MEGF6: variants seen among roughly 807,000 people sequenced by gnomAD.
MEGF6 encodes multiple epidermal growth factor-like domains protein 6.
MEGF6 carries 184 observed loss-of-function variants against 207.1 expected under a neutral mutation model. The observed-to-expected ratio is 0.89, with a 90% CI of 0.79 to 1.00. MEGF6 has a LOEUF of 1.00. Ranked by LOEUF, MEGF6 falls within the 50% of genes least tolerant of loss-of-function variation. The pLI is 0.00. For missense variants in MEGF6, 2,282 were observed against 2,202.9 expected (o/e 1.04, Z -0.72); for synonymous variants, 1,038 against 910.0 (o/e 1.14, Z -2.53).
intron 13 of MEGF6, among the ~76,000 whole-genome samples, chr1:3,508,220 C>T (rs1205160148): frequency 6.6e-6 from 1 of 152,198 alleles, no homozygotes; most frequent in Non-Finnish European, 1.5e-5. Flanking sequence ...GGAACCCCAC[C>T]TGCCGGCTGC....
rs1643314056 is a variant in MEGF6 at position 3,565,354 on chromosome 1, A to G, written c.481+14471T>C. ...CCAGAGTTCACCAAGTTCCCTTCCT[A>G]GCTGGACCTTAAAACCCCCCGGGTC... On this transcript the variant is annotated intron_variant, in intron 4 of 36. Transcript: ENST00000356575. This position sits in a 1 kb window ranked among gnomAD's most constrained non-coding sequence, Gnocchi z 4.8. Among the ~76,000 whole-genome samples, 1 of 150,892 alleles carries G rather than the reference A, an allele frequency of 6.6e-6. No homozygotes were observed. Among genetic ancestry groups the G allele is most frequent in the Non-Finnish European group, 1.5e-5 (1 of 67,946 alleles).
At chr1:3,542,710 C>G (rs529332108) in intron 4 of MEGF6, among the ~76,000 whole-genome samples, 3 of 152,240 alleles carry the variant, frequency 2.0e-5, no homozygotes, top group South Asian at 4.1e-4. Flanking sequence ...CCGCATCTTA[C>G]AGAGAGAGAC....
At chr1:3,554,387 G>C (rs1004502611) in intron 4 of MEGF6, among the ~76,000 whole-genome samples, 1 of 152,126 alleles carries the variant, frequency 6.6e-6, no homozygotes, top group African/African-American at 2.4e-5. Flanking sequence ...AGGCGGGAGG[G>C]GGACGGCACT....
chr1:3,605,497 C>A (rs1438780194), intron 1 of MEGF6, among the ~76,000 whole-genome samples: 1 of 131,286 alleles, frequency 7.6e-6, no homozygotes, highest in Non-Finnish European at 1.7e-5. Context: ...TACACACATA[C>A]ACACACAATC....
At chr1:3,566,343 A>G (rs182310203) in intron 4 of MEGF6, among the ~76,000 whole-genome samples, 4 of 152,318 alleles carry the variant, frequency 2.6e-5, no homozygotes, top group African/African-American at 9.6e-5. Context: ...CGCCCCAGGA[A>G]TCTTAAAAAT....
At chr1:3,557,500 C>T (rs530971250) in intron 4 of MEGF6, among the ~76,000 whole-genome samples, 88 of 152,322 alleles carry the variant, frequency 5.8e-4, no homozygotes, top group African/African-American at 2.1e-3. Flanking sequence ...GGCTACGTGC[C>T]CACCTCGCTG....
intron 4 of MEGF6, among the ~76,000 whole-genome samples, chr1:3,552,810 C>CA (rs1642927030): frequency 6.6e-6 from 1 of 152,180 alleles, no homozygotes; most frequent in Admixed American, 6.5e-5. Context: ...CCAGACCCCC[C>CA]ACTTTTCTCT....
chr1:3,511,524 G>T, intron 9 of MEGF6, 26 bp downstream of exon 9: 1 of 1,587,188 alleles, frequency 6.3e-7, no homozygotes. Context: ...GTGGGGTGCA[G>T]GCATCTGGGA....
chr1:3,558,554 T>C (rs927034319), intron 4 of MEGF6, among the ~76,000 whole-genome samples: 2 of 152,192 alleles, frequency 1.3e-5, no homozygotes, highest in African/African-American at 4.8e-5. Flanking sequence ...TCGCAAGACG[T>C]GCGTTTTCCC....
chr1:3,568,218 T>C (rs1008046110), intron 4 of MEGF6, among the ~76,000 whole-genome samples: 4 of 151,552 alleles, frequency 2.6e-5, no homozygotes, highest in Non-Finnish European at 5.9e-5. Flanking sequence ...GATGAGGGGG[T>C]GAAGTGTGCA....
rs1477769361 is a variant in MEGF6, at chr1:3,492,841, AGGGGC to A, written c.4388-79_4388-75del. ...TCCCCGCGCCAAGGAGCCTGGGCCTAGGGGCCCGCGGCAGAGCCCAGGTGGAGTGA... is the reference window on the plus strand; with the variant it reads ...TCCCCGCGCCAAGGAGCCTGGGCCTACCGCGGCAGAGCCCAGGTGGAGTGA... On this transcript the variant is annotated intron_variant, in intron 34 of 36. Transcript: ENST00000356575. The A allele has an allele frequency of 9.1e-5, 142 of 1,554,616 alleles. 1 individual carries two copies. The African/African-American group carries it at 1.6e-3, about 18-fold the overall frequency.
chr1:3,594,475 G>A lies in MEGF6; in HGVS notation c.376+863C>T, dbSNP rs111926429. Reference sequence around the variant, plus strand: ...AACAAAATAAAAATGTGGGGAGTGCGTGACTCCCGGCCACACTCCACGGCG... The same window carrying A: ...AACAAAATAAAAATGTGGGGAGTGCATGACTCCCGGCCACACTCCACGGCG... On this transcript the variant is annotated intron_variant, in intron 3 of 36. Transcript: ENST00000356575. This position sits in a 1 kb window ranked among gnomAD's most constrained non-coding sequence, Gnocchi z 4.2. 7.0e-3 allele frequency among the ~76,000 whole-genome samples: 1,064 copies of A among 152,278 alleles called. 5 individuals are homozygous for A. Among genetic ancestry groups the A allele is most frequent in the Non-Finnish European group, 0.012 (813 of 68,004 alleles).
intron 4 of MEGF6, among the ~76,000 whole-genome samples, chr1:3,569,285 C>G (rs1393455837): frequency 6.6e-6 from 1 of 152,274 alleles, no homozygotes; most frequent in Non-Finnish European, 1.5e-5. Context: ...ACCCCGCCGC[C>G]CCTCAGCCGG....
intron 33 of MEGF6, 24 bp from the exon 34 acceptor site, chr1:3,493,923 GT>G: frequency 1.3e-6 from 2 of 1,583,784 alleles, no homozygotes; most frequent in East Asian, 4.6e-5. Context: ...TGGGCTCAGT[GT>G]CCCCCTCCTG....
Position 3,500,090 on chromosome 1 carries a change from C to T in MEGF6, c.2708-166G>A, listed in dbSNP as rs145450724. On this transcript the variant is annotated intron_variant, in intron 21 of 36. Transcript: ENST00000356575. ...CTCACTCACATGCTTCATCCCCCAC[C>T]CAGGTGGGGCCATGGGAGGCTTGAG... 8.3e-3 allele frequency among the ~76,000 whole-genome samples: 1,261 copies of T among 152,346 alleles called. 22 individuals carry two copies. Among genetic ancestry groups the T allele is most frequent in the African/African-American group, 0.029 (1,186 of 41,580 alleles).
intron 3 of MEGF6, among the ~76,000 whole-genome samples, chr1:3,583,412 C>CCACAGCCACCAGACAACG (rs1643850485): frequency 2.4e-5 from 1 of 42,162 alleles, no homozygotes; most frequent in Non-Finnish European, 4.5e-5. Context: ...ACCAGACAAC[C>CCACAGCCACCAGACAACG]CGCAGCCACC....
At chr1:3,610,477 CCT>C (rs1279700224) in intron 1 of MEGF6, among the ~76,000 whole-genome samples, 149 of 101,308 alleles carry the variant, frequency 1.5e-3, no homozygotes, top group African/African-American at 6.6e-3. Flanking sequence ...CGACTCCCCT[CCT>C]CCTCCTCCTC....
At chr1:3,541,666 C>G (rs1642526279) in intron 4 of MEGF6, among the ~76,000 whole-genome samples, 1 of 152,164 alleles carries the variant, frequency 6.6e-6, no homozygotes, top group African/African-American at 2.4e-5. Flanking sequence ...GGTCACTTCC[C>G]ACATGCCTTC....
intron 9 of MEGF6, 89 bp from the exon 10 acceptor site, chr1:3,510,991 C>T (rs1441681332): frequency 3.3e-6 from 5 of 1,508,812 alleles, no homozygotes; most frequent in Admixed American, 3.9e-5. Flanking sequence ...CGACCACACA[C>T]AACCCACGCG....
Sources: allele counts gnomAD v4.1 joint callset (sites outside exome capture counted in the v4.1 genomes callset), GRCh38; gene constraint gnomAD v4.1.1; non-coding constraint Gnocchi (gnomAD v3.1); transcripts MANE v1.5; gene names NCBI Gene and HGNC (gene_info 2026-07-23, HGNC 2026-07-21).